The following ATP9A variants were observed in gnomAD, a reference collection of about 807,000 sequenced individuals.
The protein encoded by ATP9A is ATPase phospholipid transporting 9A, also known as probable phospholipid-transporting ATPase IIA.
A neutral mutation model predicts 144.1 loss-of-function variants in ATP9A; 52 were observed. The ratio of observed to expected loss-of-function variants is 0.36; its 90% CI spans 0.29 to 0.45. The LOEUF is 0.45. ATP9A is among the 20% of genes least tolerant of loss of function. The pLI is 1.00. For synonymous variants in ATP9A, 582 were observed against 557.4 expected (o/e 1.04, Z -0.62); for missense variants, 947 against 1,392.7 (o/e 0.68, Z 5.09).
At chr20:51,749,438 C>G (rs6096558) in intron 1 of ATP9A, among the ~76,000 whole-genome samples, 134,855 of 152,078 alleles carry the variant, frequency 0.89, 59,891 homozygotes, top group African/African-American at 0.92. Flanking sequence ...GCTAAGTTTG[C>G]TATTTGTAGT....
chr20:51,641,381 T>C (rs6063685), intron 14 of ATP9A, among the ~76,000 whole-genome samples: 37,508 of 150,326 alleles, frequency 0.25, 4,915 homozygotes, highest in Non-Finnish European at 0.28. Flanking sequence ...ATTATTAGGG[T>C]GGGGTGGTGC....
At chr20:51,634,698 A>G (rs2077283449) in intron 15 of ATP9A, among the ~76,000 whole-genome samples, 1 of 151,924 alleles carries the variant, frequency 6.6e-6, no homozygotes, top group African/African-American at 2.4e-5. Context: ...TCTACTAAAA[A>G]TACGAAATTA....
In ATP9A at chr20:51,725,935, G is replaced by A. The variant is rs2122868346; in HGVS notation, c.214-3C>T. On this transcript the variant is annotated splice_polypyrimidine_tract_variant and splice_region_variant and intron_variant, in intron 2 of 27. Coordinates refer to ENST00000338821, the MANE Select transcript of ATP9A (RefSeq NM_006045.3). ...TATTTGAACTGGTTGAACAGCACCT[G>A]GAATGGAGGGAGACAACAGAGAAAG... 1 of 1,531,326 alleles carries A rather than the reference G, an allele frequency of 6.5e-7. No individual in the cohort carries two copies. The highest frequency in any genetic ancestry group is 1.7e-4 in the Middle Eastern group (1 of 5,914). The allele number at this position is 1,531,326 out of a possible 1,614,324, so 94.9% of individuals were successfully genotyped here.
Position 51,677,447 on chromosome 20 carries a change from T to C in ATP9A, c.800-1239A>G, listed in dbSNP as rs369840252. Among the ~76,000 whole-genome samples, 17 of 152,240 alleles carry C rather than the reference T, an allele frequency of 1.1e-4. 2 individuals are homozygous for C. The highest frequency in any genetic ancestry group is 3.9e-4 in the East Asian group (2 of 5,184). ...GGAACAGAGAAGACCCAGAGCCTTC[T>C]CCTTTTACCACAAAACTTGTACTGG... On this transcript the variant is annotated intron_variant, in intron 9 of 27. Coordinates refer to ENST00000338821, the MANE Select transcript of ATP9A (RefSeq NM_006045.3).
At chr20:51,658,888 C>G (rs1266542830) in intron 13 of ATP9A, among the ~76,000 whole-genome samples, 44 of 54,820 alleles carry the variant, frequency 8.0e-4, no homozygotes, top group East Asian at 6.8e-3. Context: ...AGACCACTGG[C>G]GGGGGGGGGG....
intron 9 of ATP9A, among the ~76,000 whole-genome samples, chr20:51,685,216 G>A (rs1051739992): frequency 4.6e-5 from 7 of 152,040 alleles, no homozygotes; most frequent in African/African-American, 1.7e-4. Flanking sequence ...AAGAAGAAGA[G>A]GCAAGTTTCC....
chr20:51,611,409 G>A lies in ATP9A; in HGVS notation c.2572-1244C>T, dbSNP rs742755. ...TCAAGAATCTGTTGTTTATTTTCCA[G>A]ACCAGTATCAGGAGCCCCTTCCTCT... On this transcript the variant is annotated intron_variant, in intron 23 of 27. Transcript: ENST00000338821. This position sits in a 1 kb window ranked among gnomAD's most constrained non-coding sequence, Gnocchi z 4.2. Among the ~76,000 whole-genome samples the A allele has an allele frequency of 0.48, 72,701 of 152,000 alleles. 17,830 individuals carry two copies. The highest frequency in any genetic ancestry group is 0.59 in the African/African-American group (24,245 of 41,432).
chr20:51,636,190 G>A (rs1601072126), intron 15 of ATP9A, among the ~76,000 whole-genome samples: 1 of 152,200 alleles, frequency 6.6e-6, no homozygotes, highest in African/African-American at 2.4e-5. Context: ...CAGCCAATCT[G>A]AGGGTTCCTG....
intron 1 of ATP9A, among the ~76,000 whole-genome samples, chr20:51,749,524 A>G (rs1164158486): frequency 1.3e-5 from 2 of 152,166 alleles, no homozygotes; most frequent in Non-Finnish European, 2.9e-5. Context: ...TTGGTCTCCC[A>G]AAGTGCTGGG....
intron 13 of ATP9A, among the ~76,000 whole-genome samples, chr20:51,659,551 AAC>A (rs1480212998): frequency 6.6e-6 from 1 of 152,212 alleles, no homozygotes; most frequent in African/African-American, 2.4e-5. Flanking sequence ...GGTCACCTAC[AAC>A]AGTCTTACTG....
At chr20:51,605,862 G>A (rs946299904) in intron 26 of ATP9A, among the ~76,000 whole-genome samples, 10 of 150,532 alleles carry the variant, frequency 6.6e-5, no homozygotes, top group African/African-American at 2.2e-4. Context: ...GCAGTAAGCC[G>A]AGATCGTGCC....
chr20:51,624,702 G>A lies in ATP9A; in HGVS notation c.2016+490C>T, dbSNP rs142543852. ...AGTAAAGGCAAACGCTACACAAGAT[G>A]TCTTCCAAAATCAGGGCTGGAGGGC... On this transcript the variant is annotated intron_variant, in intron 18 of 27. Coordinates refer to ENST00000338821, the MANE Select transcript of ATP9A (RefSeq NM_006045.3). 6.5e-3 allele frequency among the ~76,000 whole-genome samples: 988 copies of A among 152,160 alleles called. 17 individuals carry two copies. Among genetic ancestry groups the A allele is most frequent in the African/African-American group, 0.023 (939 of 41,504 alleles).
chr20:51,619,348 G>C (rs1203803113), intron 19 of ATP9A, among the ~76,000 whole-genome samples: 1 of 152,164 alleles, frequency 6.6e-6, no homozygotes, highest in African/African-American at 2.4e-5. Flanking sequence ...CAGATCACTT[G>C]AAGTCAGGAG....
At chr20:51,684,144 C>A (rs1325143202) in intron 9 of ATP9A, among the ~76,000 whole-genome samples, 2 of 152,102 alleles carry the variant, frequency 1.3e-5, no homozygotes, top group East Asian at 3.9e-4. Context: ...CTGATCATGT[C>A]TCTGCACAAC....
At chr20:51,728,973 G>A (rs187180305) in intron 2 of ATP9A, among the ~76,000 whole-genome samples, 2 of 152,178 alleles carry the variant, frequency 1.3e-5, no homozygotes, top group Admixed American at 6.5e-5. Context: ...TGGGGAGAAG[G>A]TTTGCTGAGT....
intron 13 of ATP9A, among the ~76,000 whole-genome samples, chr20:51,669,212 T>G (rs954401156): frequency 6.6e-6 from 1 of 152,126 alleles, no homozygotes; most frequent in Non-Finnish European, 1.5e-5. Context: ...ATCTCCAGGG[T>G]ATCAAGCCCA....
chr20:51,768,241 G>A (rs1384266121), intron 1 of ATP9A, 61 bp downstream of exon 1: 12 of 1,121,842 alleles, frequency 1.1e-5, no homozygotes, highest in Non-Finnish European at 1.3e-5. Context: ...GGCCAGGCTG[G>A]CCCGAGCGCC....
At chr20:51,690,228 G>A (rs1281380417) in intron 8 of ATP9A, among the ~76,000 whole-genome samples, 1 of 151,152 alleles carries the variant, frequency 6.6e-6, no homozygotes, top group Non-Finnish European at 1.5e-5. Context: ...AGACCATCCT[G>A]GCTAACACCG....
chr20:51,628,479 C>T (rs1747425353), intron 16 of ATP9A, among the ~76,000 whole-genome samples: 1 of 152,208 alleles, frequency 6.6e-6, no homozygotes, highest in Non-Finnish European at 1.5e-5. Context: ...TTAGTAAAGA[C>T]AGTGACTTCC....
Sources: allele counts gnomAD v4.1 joint callset (sites outside exome capture counted in the v4.1 genomes callset), GRCh38; gene constraint gnomAD v4.1.1; non-coding constraint Gnocchi (gnomAD v3.1); transcripts MANE v1.5; gene names NCBI Gene and HGNC (gene_info 2026-07-23, HGNC 2026-07-21).